BRPF1: variants seen among roughly 807,000 people sequenced by gnomAD.
BRPF1 encodes bromodomain and PHD finger containing 1.
A neutral mutation model predicts 115.0 loss-of-function variants in BRPF1; 15 were observed. The ratio of observed to expected loss-of-function variants is 0.13; its 90% confidence interval spans 0.09 to 0.20. The LOEUF (loss-of-function observed/expected upper bound fraction) is 0.20, where lower values mean the gene tolerates loss of function less well. Among genes scored for constraint, BRPF1 ranks in the 10% least tolerant of loss-of-function variants. BRPF1 has a pLI of 1.00. For synonymous variants in BRPF1, 647 were observed against 619.8 expected, an observed-to-expected ratio of 1.04 and a Z score of -0.65; for missense variants, 1,118 against 1,638.3, an observed-to-expected ratio of 0.68 and a Z score of 5.48.
At position 9,745,573 on chromosome 3, in the gene BRPF1, C is replaced by T; in HGVS notation, c.3069C>T (p.Ser1023=). The change falls in exon 11 of 14, where the codon AGC becomes AGT. Residue 1023 remains serine, a splice_region_variant and synonymous_variant. Transcript: ENST00000383829. This position sits in a 1 kb window ranked among gnomAD's most constrained non-coding sequence, Gnocchi z 5.1. Reference sequence around the variant, plus strand: ...TGAGCTCCCATTGTCTTGTCCACAGCACAACGCCCTCAAAACAAGGCCGGG... The same window carrying T: ...TGAGCTCCCATTGTCTTGTCCACAGTACAACGCCCTCAAAACAAGGCCGGG... ...SSSSAASDRT[S]TTPSKQGRGK... 1.2e-6 allele frequency: 2 copies of T among 1,614,064 alleles called. No individual in the cohort carries two copies. Among genetic ancestry groups the T allele is most frequent in the Non-Finnish European group, 1.7e-6 (2 of 1,179,908 alleles).
At chr3:9,744,031 C>A in intron 8 of BRPF1, 130 bp downstream of exon 8, 1 of 1,309,736 alleles carries the variant, frequency 7.6e-7, no homozygotes, top group Non-Finnish European at 1.0e-6. Flanking sequence ...CCCTCATTCC[C>A]CAATCAGGGG....
In BRPF1 at chr3:9,743,638, A is replaced by C; in HGVS notation, c.2372A>C (p.Gln791Pro). 6.2e-7 allele frequency: 1 copy of C among 1,614,058 alleles called. No individual in the cohort carries two copies. The highest frequency in any genetic ancestry group is 8.5e-7 in the Non-Finnish European group (1 of 1,180,034). ...CAGAAGCACCTGCCAGTGGAAGAAC[A>C]GCTAAAGCTGCTTCTGGAGCGGCTG... ...ENQKHLPVEE[Q>P]LKLLLERLDE... Residue 791 changes from glutamine to proline, a missense_variant, in exon 8 of 14, where the codon CAG becomes CCG. Around this residue, in one of 10 missense-constraint regions of BRPF1, gnomAD observed 223 missense variants for 240.7 expected, o/e 0.93. Coordinates refer to ENST00000383829, the MANE Select transcript of BRPF1 (RefSeq NM_001003694.2). The surrounding 1 kb of genome is among the most constrained non-coding windows in gnomAD (Gnocchi z 6.1).
Position 9,742,081 on chromosome 3 carries a change from T to C in BRPF1, c.1911T>C (p.Leu637=), listed in dbSNP as rs369349972. Residue 637 remains leucine, a synonymous_variant, in exon 6 of 14, where the codon CTT becomes CTC. Coordinates refer to ENST00000383829, the MANE Select transcript of BRPF1 (RefSeq NM_001003694.2). ...AGCTGACTCCTTTCCTCATCCTCCT[T>C]CGCAAAACCTTGGAGCAGCTCCAAG... ...EMQLTPFLIL[L]RKTLEQLQEK... 26 of 1,614,108 alleles carry C rather than the reference T, an allele frequency of 1.6e-5. No homozygotes were observed. The highest frequency in any genetic ancestry group is 2.2e-5 in the Non-Finnish European group (26 of 1,180,048).
rs1225471440 is a variant in BRPF1, at chr3:9,732,033, A to T, written c.-116A>T. On this transcript the variant is annotated 5_prime_UTR_variant, in exon 1 of 14. Transcript: ENST00000383829. The stretch of plus-strand genomic sequence containing the variant: ...GGGTGGCGAGGTCTACGGTCTCCGG[A>T]GTTGGGGCTCCCCCTTCCCGGCCCG... The T allele has an allele frequency of 6.6e-6, 1 of 152,186 alleles. No homozygotes were observed. The highest frequency in any genetic ancestry group is 2.4e-5 in the African/African-American group (1 of 41,402). 9.4% of individuals were successfully genotyped at this position (152,186 alleles called of 1,614,324 possible). A position where few individuals can be genotyped will look rare whatever the true frequency, so the allele number is the denominator to read the frequency against.
At chr3:9,746,235 C>G in intron 12 of BRPF1, 65 bp from the exon 13 acceptor site, 1 of 1,484,246 alleles carries the variant, frequency 6.7e-7, no homozygotes, top group African/African-American at 1.4e-5. Flanking sequence ...TCTCTAAGTT[C>G]TTGAGGAGGA....
In BRPF1 at chr3:9,744,209, CT is replaced by C. The variant is rs765063481; in HGVS notation, c.2636-12del. ...GGCCCCTCACCAACTCTCCTTCTTTCTTTCTCTGCTCCAGGCCTGGGTCCCA... is the reference window on the plus strand; with the variant it reads ...GGCCCCTCACCAACTCTCCTTCTTTCTTCTCTGCTCCAGGCCTGGGTCCCA... On this transcript the variant is annotated splice_polypyrimidine_tract_variant and intron_variant, in intron 8 of 13. Transcript: ENST00000383829. 5 of 1,517,694 alleles carry C rather than the reference CT, an allele frequency of 3.3e-6. No homozygotes were observed. The highest frequency in any genetic ancestry group is 4.4e-6 in the Non-Finnish European group (5 of 1,133,646). The allele number at this position is 1,517,694 out of a possible 1,614,324, so 94.0% of individuals were successfully genotyped here.
intron 9 of BRPF1, 66 bp from the exon 10 acceptor site, chr3:9,744,942 C>G (rs2077097354): frequency 4.4e-6 from 7 of 1,605,430 alleles, no homozygotes; most frequent in Non-Finnish European, 6.0e-6. Context: ...CCTCTTACCT[C>G]CATGTCATCT....
rs776534202 is a variant in BRPF1, at chr3:9,744,538, G to A, written c.2920+30G>A. The A allele has an allele frequency of 6.8e-6, 10 of 1,464,572 alleles. No individual in the cohort carries two copies. In the Admixed American group the frequency reaches 1.5e-4, roughly 22 times the overall value. 90.7% of individuals were successfully genotyped at this position (1,464,572 alleles called of 1,614,324 possible). On this transcript the variant is annotated intron_variant, in intron 9 of 13. Transcript: ENST00000383829. The stretch of plus-strand genomic sequence containing the variant: ...GCCTTACCATCACCCAGCCCCCCAA[G>A]AGAGTGAGCAAAGCTGCCATTCTTC...
rs199695321 is a variant in BRPF1 at position 9,744,973 on chromosome 3, C to T, written c.2921-35C>T. On this transcript the variant is annotated intron_variant, in intron 9 of 13. Transcript: ENST00000383829. ...CATCTCTGATCTACATCTTCCTGACCGGTTCCTTCCCTCCTCCCCTTCCCT... is the reference window on the plus strand; with the variant it reads ...CATCTCTGATCTACATCTTCCTGACTGGTTCCTTCCCTCCTCCCCTTCCCT... The T allele has an allele frequency of 3.3e-4, 526 of 1,613,936 alleles. 5 individuals are homozygous for T. The South Asian group carries it at 5.4e-3, about 17-fold the overall frequency.
At position 9,745,148 on chromosome 3, in the gene BRPF1, C is replaced by A; in HGVS notation, c.3061C>A (p.Arg1021=). The A allele has an allele frequency of 6.2e-7, 1 of 1,614,060 alleles. No homozygotes were observed. Among genetic ancestry groups the A allele is most frequent in the Non-Finnish European group, 8.5e-7 (1 of 1,179,994 alleles). ...SSSSSSAASD[R]TSTTPSKQGR... is the part of the protein sequence containing the mutation. The stretch of plus-strand genomic sequence containing the variant: ...TAGCAGTAGCAGCGCTGCTTCAGAC[C>A]GGACCAGGTACCAGCCCTCCAGATC... Residue 1021 remains arginine, a synonymous_variant, in exon 10 of 14, where the codon CGG becomes AGG. Transcript: ENST00000383829. The surrounding 1 kb of genome is among the most constrained non-coding windows in gnomAD (Gnocchi z 5.1).
chr3:9,744,626 G>A (rs2077091294), intron 9 of BRPF1, 118 bp downstream of exon 9: 4 of 773,596 alleles, frequency 5.2e-6, no homozygotes, highest in Non-Finnish European at 7.9e-6. Flanking sequence ...GGGTCCTTAG[G>A]AATCCTTTAA....
intron 8 of BRPF1, 53 bp from the exon 9 acceptor site, chr3:9,744,171 C>A: frequency 4.7e-6 from 7 of 1,498,446 alleles, no homozygotes; most frequent in Non-Finnish European, 6.2e-6. Flanking sequence ...GGATATCTAC[C>A]CTTCTCAAAT....
At position 9,734,503 on chromosome 3, in the gene BRPF1, G is replaced by C; in HGVS notation, c.363G>C (p.Glu121Asp). The change falls in exon 2 of 14, where the codon GAG becomes GAC. Residue 121 changes from glutamate to aspartate, a missense_variant. Glu to Asp is a conservative substitution (Grantham distance 45, BLOSUM62 2). This residue lies in a region of BRPF1 where 280 missense variants were observed against 382.8 expected (regional missense o/e 0.73). Transcript: ENST00000383829. The surrounding 1 kb of genome is among the most constrained non-coding windows in gnomAD (Gnocchi z 5.7). ...TTGACAACCTGGATGTGGTGTCAGA[G>C]GATGAGGAAGCCCCCGAGGAGGCCC... ...SIFDNLDVVS[E>D]DEEAPEEAPE... 5 of 1,614,154 alleles carry C rather than the reference G, an allele frequency of 3.1e-6. No homozygotes were observed. Among genetic ancestry groups the C allele is most frequent in the Middle Eastern group, 1.6e-4 (1 of 6,062 alleles).
Position 9,743,392 on chromosome 3 carries a change from C to A in BRPF1, c.2311+139C>A. On this transcript the variant is annotated intron_variant, in intron 7 of 13. Transcript: ENST00000383829. This position sits in a 1 kb window ranked among gnomAD's most constrained non-coding sequence, Gnocchi z 6.1. ...TGGCAAGCTATCCCCAGGAATGCTCCCCAAGAAGCCAGACTGGGTGAATGG... is the reference window on the plus strand; with the variant it reads ...TGGCAAGCTATCCCCAGGAATGCTCACCAAGAAGCCAGACTGGGTGAATGG... 1.6e-6 allele frequency: 2 copies of A among 1,283,240 alleles called. No individual in the cohort carries two copies. The highest frequency in any genetic ancestry group is 2.1e-6 in the Non-Finnish European group (2 of 941,820). 79.5% of individuals were successfully genotyped at this position (1,283,240 alleles called of 1,614,324 possible). A position where few individuals can be genotyped will look rare whatever the true frequency, so the allele number is the denominator to read the frequency against.
chr3:9,744,529 G>A (rs778725605), intron 9 of BRPF1, 21 bp downstream of exon 9: 1 of 1,484,112 alleles, frequency 6.7e-7, no homozygotes, highest in Non-Finnish European at 9.0e-7. Context: ...CCATCACCCA[G>A]CCCCCCAAGA....
chr3:9,746,571 G>A, intron 13 of BRPF1, 117 bp downstream of exon 13: 2 of 1,279,034 alleles, frequency 1.6e-6, no homozygotes, highest in Non-Finnish European at 2.1e-6. Context: ...AAGTCAGTGG[G>A]GGAGGGACTT....
rs773040491 is a variant in BRPF1 at position 9,739,822 on chromosome 3, G to A, written c.1423G>A (p.Gly475Ser). Reference protein sequence around the residue: ...EEDEDEEEDEGKGWSSEKVKK... With the variant: ...EEDEDEEEDESKGWSSEKVKK... ...GGATGAAGATGAGGAGGAGGATGAG[G>A]GTAAGGGCTGGAGCTCAGAGAAAGT... Residue 475 changes from glycine (G) to serine (S), a missense_variant, in exon 3 of 14, where the codon GGT becomes AGT. By Grantham distance (56) the Gly-to-Ser change is moderately conservative. Around this residue, in one of 10 missense-constraint regions of BRPF1, gnomAD observed 87 missense variants for 93.4 expected, o/e 0.93. Coordinates refer to ENST00000383829, the MANE Select transcript of BRPF1 (RefSeq NM_001003694.2). 14 of 1,605,330 alleles carry A rather than the reference G, an allele frequency of 8.7e-6. No individual in the cohort carries two copies. The East Asian group carries it at 3.2e-4, about 36-fold the overall frequency.
chr3:9,741,004 T>G (rs2077019647), intron 4 of BRPF1, 63 bp downstream of exon 4: 1 of 1,529,988 alleles, frequency 6.5e-7, no homozygotes. Context: ...AACCAAAATT[T>G]GCAACTGTAG....
In BRPF1 at chr3:9,745,622, A is replaced by G. The variant is rs1244863186; in HGVS notation, c.3118A>G (p.Thr1040Ala). ...GRGKPSFSRG[T>A]FPEDSSEDTS... Reference sequence around the variant, plus strand: ...GGGCAAACCCTCCTTCTCTCGGGGCACTTTCCCAGAGGACAGCAGTGAGGA... The same window carrying G: ...GGGCAAACCCTCCTTCTCTCGGGGCGCTTTCCCAGAGGACAGCAGTGAGGA... Residue 1040 changes from threonine to alanine, a missense_variant, in exon 11 of 14, where the codon ACT becomes GCT. Coordinates refer to ENST00000383829, the MANE Select transcript of BRPF1 (RefSeq NM_001003694.2). The surrounding 1 kb of genome is among the most constrained non-coding windows in gnomAD (Gnocchi z 5.1). 2.5e-6 allele frequency: 4 copies of G among 1,614,054 alleles called. No homozygotes were observed. Among genetic ancestry groups the G allele is most frequent in the Non-Finnish European group, 3.4e-6 (4 of 1,180,018 alleles).
Sources: allele counts gnomAD v4.1 joint callset, GRCh38; gene constraint gnomAD v4.1.1; regional missense constraint gnomAD v4.1.1; non-coding constraint Gnocchi (gnomAD v3.1); transcripts MANE v1.5; gene names NCBI Gene and HGNC (gene_info 2026-07-23, HGNC 2026-07-21).